The following DIAPH2 variants were observed in gnomAD, a reference collection of about 807,000 sequenced individuals.
The protein encoded by DIAPH2 is protein diaphanous homolog 2.
In DIAPH2, 35 loss-of-function variants were observed where a neutral mutation model predicts 92.7. That is an observed-to-expected ratio of 0.38 (90% CI 0.29 to 0.50). DIAPH2 has a LOEUF of 0.50. Ranked by LOEUF, DIAPH2 falls within the 20% of genes least tolerant of loss-of-function variation. The probability of loss-of-function intolerance (pLI) is 0.94; values close to 1 mark genes in which losing one functional copy is unlikely to be tolerated. For synonymous variants in DIAPH2, 301 were observed against 280.4 expected, an observed-to-expected ratio of 1.07 and a Z score of -0.73; for missense variants, 701 against 819.5, an observed-to-expected ratio of 0.86 and a Z score of 1.77.
intron 4 of DIAPH2, among the ~76,000 whole-genome samples, chrX:96,840,365 G>A (rs1344029003): frequency 9.0e-6 from 1 of 111,672 alleles, no homozygotes; most frequent in Non-Finnish European, 1.9e-5. Flanking sequence ...GAGAGGAGCT[G>A]TCTTCTGTAG....
intron 18 of DIAPH2, among the ~76,000 whole-genome samples, chrX:97,074,394 G>T (rs754204244): frequency 9.0e-6 from 1 of 111,285 alleles, no homozygotes; most frequent in African/African-American, 3.3e-5. Flanking sequence ...CAACAAGAAC[G>T]AAACTGTCTC....
chrX:96,823,296 C>A (rs756190339), intron 4 of DIAPH2, among the ~76,000 whole-genome samples: 35 of 111,130 alleles, frequency 3.1e-4, no homozygotes, highest in African/African-American at 1.1e-3. Context: ...GTATTCACTT[C>A]AGAATTATTT....
At chrX:97,498,451 G>A (rs2070774393) in intron 26 of DIAPH2, among the ~76,000 whole-genome samples, 1 of 111,531 alleles carries the variant, frequency 9.0e-6, no homozygotes, top group Non-Finnish European at 1.9e-5. Flanking sequence ...GCAATCTATA[G>A]ATAGTTTTCT....
At chrX:97,265,905 A>G (rs993236274) in intron 23 of DIAPH2, among the ~76,000 whole-genome samples, 4 of 111,703 alleles carry the variant, frequency 3.6e-5, no homozygotes, top group Non-Finnish European at 7.5e-5. Context: ...TTTAGGAATA[A>G]CCCATGCTCA....
chrX:96,938,075 C>T (rs1481955901), intron 11 of DIAPH2, among the ~76,000 whole-genome samples: 1 of 110,926 alleles, frequency 9.0e-6, no homozygotes, highest in African/African-American at 3.3e-5. Flanking sequence ...CTTCCCTTTC[C>T]TACTGCTTGC....
At chrX:96,829,441 GTA>G (rs748376906) in intron 4 of DIAPH2, among the ~76,000 whole-genome samples, 13 of 56,063 alleles carry the variant, frequency 2.3e-4, no homozygotes, top group Admixed American at 7.0e-4. Context: ...ATATATATAT[GTA>G]TATATATATA....
chrX:97,297,179 AC>A (rs1164328034), intron 23 of DIAPH2, among the ~76,000 whole-genome samples: 2 of 101,991 alleles, frequency 2.0e-5, no homozygotes, highest in African/African-American at 7.2e-5. Context: ...CTATGAGCTA[AC>A]CAAGTCTGAC....
At chrX:97,051,206 C>T (rs888182179) in intron 17 of DIAPH2, among the ~76,000 whole-genome samples, 2 of 111,078 alleles carry the variant, frequency 1.8e-5, no homozygotes, top group Non-Finnish European at 3.8e-5. Flanking sequence ...ATCTCCCTTG[C>T]CAGGGCTATT....
At chrX:97,489,551 G>C (rs749439938) in intron 26 of DIAPH2, among the ~76,000 whole-genome samples, 4 of 111,160 alleles carry the variant, frequency 3.6e-5, no homozygotes, top group Non-Finnish European at 5.7e-5. Context: ...TTTATCATTA[G>C]TTTGATATTA....
chrX:97,445,738 A>G (rs1490342838), intron 26 of DIAPH2, among the ~76,000 whole-genome samples: 1 of 109,783 alleles, frequency 9.1e-6, no homozygotes, highest in African/African-American at 3.3e-5. Context: ...GTGAGCCACC[A>G]CACCCAGCCC....
chrX:96,715,749 G>A (rs1171533999), intron 1 of DIAPH2, among the ~76,000 whole-genome samples: 1 of 111,451 alleles, frequency 9.0e-6, no homozygotes, highest in Admixed American at 9.6e-5. Context: ...TTTGTTTAAT[G>A]ATGAGAAACG....
At chrX:97,187,608 G>C (rs1216182204) in intron 22 of DIAPH2, among the ~76,000 whole-genome samples, 1 of 110,329 alleles carries the variant, frequency 9.1e-6, no homozygotes, top group Admixed American at 9.8e-5. Flanking sequence ...TATGAAATGT[G>C]ATGAGTACCT....
intron 4 of DIAPH2, among the ~76,000 whole-genome samples, chrX:96,775,135 C>T (rs1333313591): frequency 9.0e-6 from 1 of 110,619 alleles, no homozygotes; most frequent in African/African-American, 3.3e-5. Flanking sequence ...TGCTGAGGAC[C>T]GTTGTTCATC....
chrX:97,321,948 A>T (rs962195169), intron 23 of DIAPH2, among the ~76,000 whole-genome samples: 16 of 112,496 alleles, frequency 1.4e-4, no homozygotes, highest in African/African-American at 5.2e-4. Context: ...AGGCATATAT[A>T]TACAAATGAC....
At chrX:96,882,984 C>CA (rs1015330735) in intron 5 of DIAPH2, among the ~76,000 whole-genome samples, 48 of 28,491 alleles carry the variant, frequency 1.7e-3, no homozygotes, top group Non-Finnish European at 2.2e-3. Context: ...AAAAAAAAAA[C>CA]AAAAAAACAA....
intron 26 of DIAPH2, among the ~76,000 whole-genome samples, chrX:97,530,865 G>A (rs2071055172): frequency 8.9e-6 from 1 of 111,840 alleles, no homozygotes; most frequent in South Asian, 3.8e-4. Flanking sequence ...TTTCAATAAG[G>A]AAAGAGTAGC....
chrX:97,567,779 G>T (rs768801566), intron 26 of DIAPH2, among the ~76,000 whole-genome samples: 1 of 111,080 alleles, frequency 9.0e-6, no homozygotes, highest in Non-Finnish European at 1.9e-5. Flanking sequence ...TATTTTTAAG[G>T]AAGATCTTTT....
intron 26 of DIAPH2, among the ~76,000 whole-genome samples, chrX:97,520,834 T>G (rs184479508): frequency 1.8e-3 from 202 of 112,502 alleles, no homozygotes; most frequent in Non-Finnish European, 2.8e-3. Context: ...GAAGACGAAG[T>G]ACAACATTGT....
chrX:97,582,513 T>G (rs1249375346), intron 26 of DIAPH2, among the ~76,000 whole-genome samples: 4 of 110,388 alleles, frequency 3.6e-5, no homozygotes, highest in Non-Finnish European at 7.6e-5. Context: ...CCCACTCTCT[T>G]CTGGCTTGTA....
Sources: allele counts gnomAD v4.1 joint callset (sites outside exome capture counted in the v4.1 genomes callset), GRCh38; gene constraint gnomAD v4.1.1; transcripts MANE v1.5; gene names NCBI Gene and HGNC (gene_info 2026-07-23, HGNC 2026-07-21).